Variants in QRSL1 observed in about 807,000 individuals in gnomAD.
The protein encoded by QRSL1 is glutamyl-tRNA(Gln) amidotransferase subunit A, mitochondrial.
QRSL1 carries 54 observed loss-of-function variants against 61.6 expected under a neutral mutation model. That is an observed-to-expected ratio of 0.88 (90% CI 0.70 to 1.10). QRSL1 has a LOEUF of 1.10. QRSL1 is among the 50% of genes least tolerant of loss of function. The pLI is 0.00. For missense variants in QRSL1, 505 were observed against 622.6 expected (o/e 0.81, Z 2.01); for synonymous variants, 228 against 225.7 (o/e 1.01, Z -0.09).
intron 1 of QRSL1, among the ~76,000 whole-genome samples, chr6:106,638,429 C>G (rs1375409376): frequency 6.6e-6 from 1 of 152,120 alleles, no homozygotes; most frequent in Non-Finnish European, 1.5e-5. Flanking sequence ...CTCGGTCTCC[C>G]GAGTAGCTGG....
intron 3 of QRSL1, chr6:106,642,377 A>G: frequency 2.3e-6 from 1 of 427,268 alleles, no homozygotes; most frequent in Non-Finnish European, 4.4e-6. Flanking sequence ...CTTACATATG[A>G]TTTACATGTT....
At chr6:106,645,270 G>C (rs1212075548) in intron 4 of QRSL1, among the ~76,000 whole-genome samples, 1 of 152,160 alleles carries the variant, frequency 6.6e-6, no homozygotes, top group Non-Finnish European at 1.5e-5. Flanking sequence ...ATGGGATTTT[G>C]ATTGTGATTG....
At chr6:106,641,207 C>G (rs753007931) in intron 3 of QRSL1, among the ~76,000 whole-genome samples, 5 of 152,080 alleles carry the variant, frequency 3.3e-5, no homozygotes, top group Non-Finnish European at 5.9e-5. Flanking sequence ...ACCTGTAGTC[C>G]CAGCTACTTG....
chr6:106,664,262 C>T (rs974279797), intron 10 of QRSL1, among the ~76,000 whole-genome samples: 1 of 151,930 alleles, frequency 6.6e-6, no homozygotes, highest in Non-Finnish European at 1.5e-5. Flanking sequence ...TCTTTAAAAC[C>T]ACATCAGGCT....
chr6:106,660,370 A>G (rs1276018513), intron 9 of QRSL1, among the ~76,000 whole-genome samples: 4 of 134,288 alleles, frequency 3.0e-5, no homozygotes, highest in Non-Finnish European at 6.3e-5. Flanking sequence ...TTTTTTTTGT[A>G]GAGACAGGAT....
At chr6:106,629,730 C>A in intron 1 of QRSL1, 25 bp downstream of exon 1, 4 of 1,596,862 alleles carry the variant, frequency 2.5e-6, no homozygotes, top group Non-Finnish European at 3.4e-6. Flanking sequence ...CCCGCTGAGG[C>A]CCCCGGGAGG....
intron 1 of QRSL1, among the ~76,000 whole-genome samples, 163 bp downstream of exon 1, chr6:106,629,868 C>A (rs934115555): frequency 2.0e-5 from 3 of 152,186 alleles, no homozygotes; most frequent in Non-Finnish European, 4.4e-5. Flanking sequence ...GTGTACTCGC[C>A]GTACCCATTC....
At chr6:106,638,200 C>G (rs1226057444) in intron 1 of QRSL1, among the ~76,000 whole-genome samples, 1 of 152,242 alleles carries the variant, frequency 6.6e-6, no homozygotes, top group African/African-American at 2.4e-5. Context: ...TCTCTTCCAC[C>G]CAGCCTACTA....
At chr6:106,656,238 A>G (rs1367334952) in intron 9 of QRSL1, among the ~76,000 whole-genome samples, 1 of 152,214 alleles carries the variant, frequency 6.6e-6, no homozygotes, top group Non-Finnish European at 1.5e-5. Flanking sequence ...CCAAACCCCC[A>G]ACGGACACCA....
chr6:106,655,577 TTCC>T (rs1259068378), intron 8 of QRSL1, 35 bp from the exon 9 acceptor site: 1 of 1,367,570 alleles, frequency 7.3e-7, no homozygotes, highest in Non-Finnish European at 1.0e-6. Context: ...CTGACTTTAC[TTCC>T]TTTCAAGTAA....
At chr6:106,651,935 C>T (rs1777192785) in intron 5 of QRSL1, among the ~76,000 whole-genome samples, 1 of 151,974 alleles carries the variant, frequency 6.6e-6, no homozygotes. Flanking sequence ...GGGATGGAAA[C>T]TCATGATTAC....
chr6:106,665,179 G>C (rs1331017983), intron 10 of QRSL1, among the ~76,000 whole-genome samples: 2 of 152,048 alleles, frequency 1.3e-5, no homozygotes, highest in Non-Finnish European at 2.9e-5. Flanking sequence ...ATAACAAGAT[G>C]GTCTGGGATT....
intron 10 of QRSL1, among the ~76,000 whole-genome samples, chr6:106,664,691 A>G (rs1777405912): frequency 6.6e-6 from 1 of 152,208 alleles, no homozygotes; most frequent in Non-Finnish European, 1.5e-5. Context: ...TAGAAGTACT[A>G]CATAATCTTC....
At chr6:106,650,337 GCTTAA>G (rs541855785) in intron 5 of QRSL1, among the ~76,000 whole-genome samples, 159 of 152,296 alleles carry the variant, frequency 1.0e-3, no homozygotes, top group African/African-American at 3.6e-3. Context: ...TGATTTTGTA[GCTTAA>G]CTTGACACTG....
chr6:106,657,429 A>C (rs1777289205), intron 9 of QRSL1, among the ~76,000 whole-genome samples: 1 of 152,232 alleles, frequency 6.6e-6, no homozygotes, highest in Non-Finnish European at 1.5e-5. Flanking sequence ...GCCAAATATT[A>C]CTGATTAGAA....
At chr6:106,634,825 AT>A (rs1776896295) in intron 1 of QRSL1, among the ~76,000 whole-genome samples, 1 of 152,078 alleles carries the variant, frequency 6.6e-6, no homozygotes, top group Non-Finnish European at 1.5e-5. Flanking sequence ...TGGCGAGATA[AT>A]GGGAGTGGAT....
At chr6:106,659,345 A>G (rs549859809) in intron 9 of QRSL1, among the ~76,000 whole-genome samples, 2 of 152,076 alleles carry the variant, frequency 1.3e-5, no homozygotes, top group East Asian at 3.9e-4. Context: ...TATGCCTGTA[A>G]TTCCAGCTAC....
Position 106,655,615 on chromosome 6 carries a change from G to T in QRSL1, c.1043G>T (p.Gly348Val), listed in dbSNP as rs1562170963. 2.5e-6 allele frequency: 4 copies of T among 1,601,478 alleles called. No homozygotes were observed. The highest frequency in any genetic ancestry group is 1.9e-4 in the Middle Eastern group (1 of 5,268). ...ATGTTTACCCTTTTCTTGTTTTCAGGTCACAGATGTGACATTGATGTGTCC... is the reference window on the plus strand; with the variant it reads ...ATGTTTACCCTTTTCTTGTTTTCAGTTCACAGATGTGACATTGATGTGTCC... ...NMARFDGLQY[G>V]HRCDIDVSTE... The change falls in exon 9 of 11, where the codon GGT (glycine) becomes GTT (valine). Residue 348 changes from glycine (G) to valine (V), a missense_variant and splice_region_variant. Gly to Val is a moderately radical substitution (Grantham distance 109). Transcript: ENST00000369046.
At chr6:106,637,345 A>G (rs1277294879) in intron 1 of QRSL1, among the ~76,000 whole-genome samples, 1 of 152,242 alleles carries the variant, frequency 6.6e-6, no homozygotes, top group Non-Finnish European at 1.5e-5. Flanking sequence ...GTGAGATCAA[A>G]GAACTGAAAA....
Sources: gnomAD v4.1 joint callset for allele counts (sites outside exome capture counted in the v4.1 genomes callset) on GRCh38, gnomAD v4.1.1 for gene constraint, MANE v1.5 for transcripts, NCBI Gene and HGNC (gene_info 2026-07-23, HGNC 2026-07-21) for gene names.